The following FRRS1L variants were observed in gnomAD, a reference collection of about 807,000 sequenced individuals.
The protein encoded by FRRS1L is ferric chelate reductase 1 like.
A neutral mutation model predicts 28.6 loss-of-function variants in FRRS1L; 22 were observed. The observed-to-expected ratio is 0.77, with a 90% CI of 0.55 to 1.10. The LOEUF (loss-of-function observed/expected upper bound fraction) is 1.10, where lower values mean the gene tolerates loss of function less well. Ranked by LOEUF, FRRS1L falls within the 50% of genes least tolerant of loss-of-function variation. FRRS1L has a pLI of 0.00. For synonymous variants in FRRS1L, 158 were observed against 151.4 expected (o/e 1.04, Z -0.32); for missense variants, 380 against 386.9 (o/e 0.98, Z 0.15).
Position 109,133,205 on chromosome 9 carries a change from A to G in FRRS1L, c.*4250T>C, listed in dbSNP as rs977483391. 1.3e-5 allele frequency: 2 copies of G among 152,208 alleles called. No homozygotes were observed. The highest frequency in any genetic ancestry group is 2.9e-5 in the Non-Finnish European group (2 of 68,040). 9.4% of individuals were successfully genotyped at this position (152,208 alleles called of 1,614,324 possible). A position where few individuals can be genotyped will look rare whatever the true frequency, so the allele number is the denominator to read the frequency against. On this transcript the variant is annotated 3_prime_UTR_variant, in exon 5 of 5. Transcript: ENST00000561981. ...AAAGCACTGGGCTCCAAGTTAGAAG[A>G]CCTAGGTTTTAGGCAATTTCTTTTA...
chr9:109,151,572 C>G, intron 1 of FRRS1L: 2 of 242,832 alleles, frequency 8.2e-6, no homozygotes, highest in East Asian at 1.1e-4. Flanking sequence ...CTTCTAGTTG[C>G]AGGAAAACAA....
intron 3 of FRRS1L, 120 bp downstream of exon 3, chr9:109,146,931 C>T: frequency 1.1e-6 from 1 of 915,610 alleles, no homozygotes; most frequent in Non-Finnish European, 1.7e-6. Flanking sequence ...AACTTGCAAT[C>T]AGAGAGCCAT....
intron 3 of FRRS1L, among the ~76,000 whole-genome samples, chr9:109,143,844 A>T (rs1449021017): frequency 6.6e-6 from 1 of 152,124 alleles, no homozygotes; most frequent in Non-Finnish European, 1.5e-5. Context: ...AAACGCTTTT[A>T]AAAAGGGGTT....
At chr9:109,143,885 C>G (rs1157128216) in intron 3 of FRRS1L, among the ~76,000 whole-genome samples, 1 of 151,392 alleles carries the variant, frequency 6.6e-6, no homozygotes, top group Non-Finnish European at 1.5e-5. Flanking sequence ...ATTAGGTTCT[C>G]AAAAAAAATT....
rs201919050 is a variant in FRRS1L, at chr9:109,137,467, C to T, written c.870G>A (p.Met290Ile). 2 of 1,603,850 alleles carry T rather than the reference C, an allele frequency of 1.2e-6. No individual in the cohort carries two copies. Among genetic ancestry groups the T allele is most frequent in the Admixed American group, 3.4e-5 (2 of 59,512 alleles). ...CCTGCAGCTGTGGTTAGGGGGTTCC[C>T]ATCAATAGGTAGAAGGTCAGAGCAA... Reference protein sequence around the residue: ...LIVALTFYLLMGTP With the variant: ...LIVALTFYLLIGTP Residue 290 changes from methionine (M) to isoleucine (I), a missense_variant, in exon 5 of 5, where the codon ATG becomes ATA. Met to Ile is a conservative substitution (Grantham distance 10). Coordinates refer to ENST00000561981, the MANE Select transcript of FRRS1L (RefSeq NM_014334.4).
rs1316541014 is a variant in FRRS1L, at chr9:109,136,957, G to A, written c.*498C>T. 1.3e-5 allele frequency: 2 copies of A among 152,198 alleles called. No homozygotes were observed. The highest frequency in any genetic ancestry group is 2.9e-5 in the Non-Finnish European group (2 of 68,046). 9.4% of individuals were successfully genotyped at this position (152,198 alleles called of 1,614,324 possible). A position where few individuals can be genotyped will look rare whatever the true frequency, so the allele number is the denominator to read the frequency against. ...TTCTTCTGCCCAAAAGGCTGACTGT[G>A]AACTTATGACATTCAGTAAAGTTCT... is the stretch of plus-strand genomic sequence containing the variant. On this transcript the variant is annotated 3_prime_UTR_variant, in exon 5 of 5. Transcript: ENST00000561981.
chr9:109,130,521 G>A lies in FRRS1L; in HGVS notation c.*6934C>T, dbSNP rs1357017314. 1 of 152,066 alleles carries A rather than the reference G, an allele frequency of 6.6e-6. No individual in the cohort carries two copies. Among genetic ancestry groups the A allele is most frequent in the Non-Finnish European group, 1.5e-5 (1 of 68,024 alleles). The allele number at this position is 152,066 out of a possible 1,614,324, so 9.4% of individuals were successfully genotyped here. ...AAATCCACGTCTTTATTAGTAATGTGCCACACATCTTAGAGTAAAAATTTA... is the reference window on the plus strand; with the variant it reads ...AAATCCACGTCTTTATTAGTAATGTACCACACATCTTAGAGTAAAAATTTA... On this transcript the variant is annotated 3_prime_UTR_variant, in exon 5 of 5. Transcript: ENST00000561981.
At chr9:109,149,874 T>TG in intron 1 of FRRS1L, 154 bp from the exon 2 acceptor site, 1 of 622,580 alleles carries the variant, frequency 1.6e-6, no homozygotes, top group Non-Finnish European at 2.9e-6. Context: ...ATCCCCTTCA[T>TG]GGGGGAGGGT....
At chr9:109,166,664 T>A (rs1831553930) in intron 1 of FRRS1L, among the ~76,000 whole-genome samples, 1 of 151,066 alleles carries the variant, frequency 6.6e-6, no homozygotes. Context: ...CCAGCCTCAC[T>A]CTCCCCATCT....
chr9:109,160,928 G>A (rs574753082), intron 1 of FRRS1L, among the ~76,000 whole-genome samples: 1 of 151,934 alleles, frequency 6.6e-6, no homozygotes, highest in Non-Finnish European at 1.5e-5. Context: ...GAGTAGCTGG[G>A]ATTACAGGCA....
intron 3 of FRRS1L, among the ~76,000 whole-genome samples, 162 bp downstream of exon 3, chr9:109,146,889 C>T (rs1268900339): frequency 6.6e-6 from 1 of 152,170 alleles, no homozygotes; most frequent in Non-Finnish European, 1.5e-5. Flanking sequence ...TGATAGCCAA[C>T]CCTTTCATTT....
At chr9:109,153,593 T>C (rs892715281) in intron 1 of FRRS1L, among the ~76,000 whole-genome samples, 7 of 152,296 alleles carry the variant, frequency 4.6e-5, no homozygotes, top group African/African-American at 1.7e-4. Context: ...CTGTGAAACA[T>C]TCTAGCAAAT....
At chr9:109,144,755 C>A (rs1020574638) in intron 3 of FRRS1L, among the ~76,000 whole-genome samples, 7 of 152,044 alleles carry the variant, frequency 4.6e-5, no homozygotes, top group Non-Finnish European at 7.4e-5. Flanking sequence ...ACGATCTCAG[C>A]TCGCTGCAAC....
chr9:109,153,888 C>T (rs1831369075), intron 1 of FRRS1L, among the ~76,000 whole-genome samples: 1 of 152,226 alleles, frequency 6.6e-6, no homozygotes, highest in Admixed American at 6.5e-5. Flanking sequence ...GCTCTTGTCT[C>T]TCAGCTACAA....
intron 1 of FRRS1L, among the ~76,000 whole-genome samples, chr9:109,164,101 G>A (rs1033424829): frequency 3.3e-5 from 5 of 152,098 alleles, no homozygotes; most frequent in African/African-American, 4.8e-5. Flanking sequence ...ATTTCTAAGC[G>A]TCTTGGGAAA....
At chr9:109,144,986 A>C (rs1035495200) in intron 3 of FRRS1L, among the ~76,000 whole-genome samples, 2 of 152,198 alleles carry the variant, frequency 1.3e-5, no homozygotes, top group Non-Finnish European at 2.9e-5. Context: ...AGCCCTCAGC[A>C]CTGTCACTGC....
In FRRS1L at chr9:109,139,731, A is replaced by C. The variant is rs900449571; in HGVS notation, c.709+1612T>G. 7 of 152,220 alleles carry C rather than the reference A, an allele frequency of 4.6e-5. No individual in the cohort carries two copies. In the East Asian group the frequency reaches 1.3e-3, roughly 29 times the overall value. 9.4% of individuals were successfully genotyped at this position (152,220 alleles called of 1,614,324 possible). On this transcript the variant is annotated intron_variant, in intron 4 of 4. Coordinates refer to ENST00000561981, the MANE Select transcript of FRRS1L (RefSeq NM_014334.4). ...CAGAGCCACTGTTGGTAATCTGGGA[A>C]ATTAGCAAATGGAAAAGGTGTCACC...
At position 109,133,675 on chromosome 9, in the gene FRRS1L, T is replaced by C. The variant is rs1287850161; in HGVS notation, c.*3780A>G. ...CTGTAAAATTGGATAAATAATAGAA[T>C]CTACTTCCTATGGTTGCGGTGAGGA... is the stretch of plus-strand genomic sequence containing the variant. On this transcript the variant is annotated 3_prime_UTR_variant, in exon 5 of 5. Transcript: ENST00000561981. The C allele has an allele frequency of 6.6e-6, 1 of 152,206 alleles. No homozygotes were observed. The highest frequency in any genetic ancestry group is 1.5e-5 in the Non-Finnish European group (1 of 68,028). The allele number at this position is 152,206 out of a possible 1,614,324, so 9.4% of individuals were successfully genotyped here. A position where few individuals can be genotyped will look rare whatever the true frequency, so the allele number is the denominator to read the frequency against.
intron 1 of FRRS1L, among the ~76,000 whole-genome samples, chr9:109,158,570 T>C (rs1043646516): frequency 6.6e-6 from 1 of 152,230 alleles, no homozygotes; most frequent in African/African-American, 2.4e-5. Context: ...GGACATTTTA[T>C]ATCAATGGAA....
Sources: gnomAD v4.1 joint callset for allele counts (sites outside exome capture counted in the v4.1 genomes callset) on GRCh38, gnomAD v4.1.1 for gene constraint, MANE v1.5 for transcripts, NCBI Gene and HGNC (gene_info 2026-07-23, HGNC 2026-07-21) for gene names.